CLSTN2: variants seen among roughly 807,000 people sequenced by gnomAD.
The protein encoded by CLSTN2 is calsyntenin 2, also known as calsyntenin-2.
Under a neutral mutation model 101.2 loss-of-function variants are expected in CLSTN2, and 48 were observed. The ratio of observed to expected loss-of-function variants is 0.47; its 90% CI spans 0.38 to 0.60. CLSTN2 has a LOEUF of 0.60. Ranked by LOEUF, CLSTN2 falls within the 20% of genes least tolerant of loss-of-function variation. CLSTN2 has a pLI of 0.00. For missense variants in CLSTN2, 1,160 were observed against 1,238.2 expected (o/e 0.94, Z 0.95); for synonymous variants, 481 against 463.6 (o/e 1.04, Z -0.48).
chr3:140,562,856 G>C lies in CLSTN2; in HGVS notation c.2258G>C (p.Arg753Pro). 6.2e-7 allele frequency: 1 copy of C among 1,614,108 alleles called. No individual in the cohort carries two copies. Among genetic ancestry groups the C allele is most frequent in the Non-Finnish European group, 8.5e-7 (1 of 1,180,010 alleles). ...TATGAGCAGGTGCTACATCACATCC[G>C]CTACCGCAACTGGCGTCCGGCTTCC... is the stretch of plus-strand genomic sequence containing the variant. ...SRYEQVLHHI[R>P]YRNWRPASLE... Residue 753 changes from arginine (R) to proline (P), a missense_variant, in exon 14 of 17, where the codon CGC (arginine) becomes CCC (proline). Arg to Pro is a moderately radical substitution (Grantham distance 103). Coordinates refer to ENST00000458420, the MANE Select transcript of CLSTN2 (RefSeq NM_022131.3).
At chr3:140,156,419 A>G (rs1313993917) in intron 1 of CLSTN2, among the ~76,000 whole-genome samples, 1 of 152,230 alleles carries the variant, frequency 6.6e-6, no homozygotes, top group Non-Finnish European at 1.5e-5. Context: ...TATTTATTGA[A>G]TTGATGAATG....
intron 1 of CLSTN2, among the ~76,000 whole-genome samples, chr3:140,041,887 A>C (rs910567631): frequency 6.6e-6 from 1 of 152,124 alleles, no homozygotes; most frequent in East Asian, 1.9e-4. Context: ...CTGTGTGAGG[A>C]GGGAAGAGGG....
intron 1 of CLSTN2, among the ~76,000 whole-genome samples, chr3:140,074,869 G>C (rs2008459586): frequency 6.6e-6 from 1 of 152,146 alleles, no homozygotes; most frequent in Non-Finnish European, 1.5e-5. Flanking sequence ...TGCCTTCCCT[G>C]GCTTTCCCAG....
chr3:139,982,812 TTGAGA>T (rs560607216), intron 1 of CLSTN2, among the ~76,000 whole-genome samples: 317 of 152,122 alleles, frequency 2.1e-3, no homozygotes, highest in African/African-American at 7.5e-3. Flanking sequence ...CTAGATAATA[TTGAGA>T]TAAGTTGGAA....
chr3:140,044,121 G>T (rs1454970777), intron 1 of CLSTN2, among the ~76,000 whole-genome samples: 1 of 152,162 alleles, frequency 6.6e-6, no homozygotes, highest in Non-Finnish European at 1.5e-5. Context: ...ACCTTGGGCA[G>T]TATGGCCATT....
intron 8 of CLSTN2, among the ~76,000 whole-genome samples, chr3:140,500,965 T>C (rs897907188): frequency 6.6e-6 from 1 of 152,210 alleles, no homozygotes; most frequent in African/African-American, 2.4e-5. Context: ...TTAAATAATT[T>C]AAATCATTAT....
chr3:140,105,337 G>A (rs1298439893), intron 1 of CLSTN2, among the ~76,000 whole-genome samples: 2 of 152,160 alleles, frequency 1.3e-5, no homozygotes, highest in Non-Finnish European at 2.9e-5. Context: ...CACAGTTCCT[G>A]GAGAGAAGGC....
chr3:140,028,172 T>C (rs535865007), intron 1 of CLSTN2, among the ~76,000 whole-genome samples: 3 of 152,256 alleles, frequency 2.0e-5, no homozygotes, highest in African/African-American at 4.8e-5. Context: ...CCCTAGCACA[T>C]TGGGGGAATA....
intron 1 of CLSTN2, among the ~76,000 whole-genome samples, chr3:140,001,722 T>C (rs2006845596): frequency 6.6e-6 from 1 of 152,112 alleles, no homozygotes. Context: ...ATTTCTGTTT[T>C]TTTTTTTTCT....
Position 140,220,476 on chromosome 3 carries a change from G to T in CLSTN2, c.232+44403G>T, listed in dbSNP as rs148302077. Among the ~76,000 whole-genome samples, 132 of 152,288 alleles carry T rather than the reference G, an allele frequency of 8.7e-4. 1 individual carries two copies. The highest frequency in any genetic ancestry group is 1.5e-3 in the Non-Finnish European group (102 of 68,032). ...TAGTTTCCACTTTCAGTCTTAAGTT[G>T]GTCTAGATGCCTTTAGCTTCAGAAC... On this transcript the variant is annotated intron_variant, in intron 2 of 16. Transcript: ENST00000458420.
chr3:140,294,988 C>T (rs1420811158), intron 2 of CLSTN2, among the ~76,000 whole-genome samples: 1 of 152,160 alleles, frequency 6.6e-6, no homozygotes, highest in Non-Finnish European at 1.5e-5. Context: ...TCCAGAAGGC[C>T]CCACCTCCTA....
intron 1 of CLSTN2, among the ~76,000 whole-genome samples, chr3:140,021,960 C>CAGA (rs1231935369): frequency 1.3e-5 from 2 of 152,122 alleles, no homozygotes; most frequent in Non-Finnish European, 2.9e-5. Flanking sequence ...AGGCGGCAGA[C>CAGA]AGAACTGGGA....
intron 2 of CLSTN2, among the ~76,000 whole-genome samples, chr3:140,207,515 T>C (rs1317759924): frequency 1.3e-5 from 2 of 152,194 alleles, no homozygotes; most frequent in African/African-American, 4.8e-5. Flanking sequence ...CAGGAACTTG[T>C]TTTAAAAATT....
chr3:140,458,275 A>G (rs1476844981), intron 6 of CLSTN2, among the ~76,000 whole-genome samples: 1 of 152,042 alleles, frequency 6.6e-6, no homozygotes, highest in African/African-American at 2.4e-5. Context: ...ATGGCAGGTA[A>G]TACACACAAC....
At chr3:140,044,011 C>CT (rs566643931) in intron 1 of CLSTN2, among the ~76,000 whole-genome samples, 90 of 152,276 alleles carry the variant, frequency 5.9e-4, no homozygotes, top group African/African-American at 2.1e-3. Flanking sequence ...AATGCAGGAC[C>CT]TTTTTTGGTT....
intron 2 of CLSTN2, among the ~76,000 whole-genome samples, chr3:140,339,051 C>CG (rs2087468243): frequency 6.6e-6 from 1 of 152,108 alleles, no homozygotes; most frequent in East Asian, 1.9e-4. Context: ...GTGAAGCTGC[C>CG]GTGTGCTGGC....
rs546124614 is a variant in CLSTN2 at position 140,468,746 on chromosome 3, G to A, written c.1344+2015G>A. On this transcript the variant is annotated intron_variant, in intron 8 of 16. Coordinates refer to ENST00000458420, the MANE Select transcript of CLSTN2 (RefSeq NM_022131.3). ...GCTGCTTTGGTGTGCCAGCTAATTC[G>A]AAATTTTAAAAATTTGCATTTCTAA... is the stretch of plus-strand genomic sequence containing the variant. Among the ~76,000 whole-genome samples the A allele has an allele frequency of 1.8e-4, 28 of 152,264 alleles. 2 individuals carry two copies. The South Asian group carries it at 4.4e-3, about 24-fold the overall frequency.
chr3:140,010,538 T>A (rs2007051328), intron 1 of CLSTN2, among the ~76,000 whole-genome samples: 1 of 152,210 alleles, frequency 6.6e-6, no homozygotes, highest in African/African-American at 2.4e-5. Context: ...TGCTCTTTCC[T>A]GATAATTCCA....
chr3:140,151,596 C>T lies in CLSTN2; in HGVS notation c.110-24355C>T, dbSNP rs139094832. ...TTAAAGAGGCCGTGCTTCCTGCTGTCGGGAGGATGCCTTGGAGGGTACGAC... is the reference window on the plus strand; with the variant it reads ...TTAAAGAGGCCGTGCTTCCTGCTGTTGGGAGGATGCCTTGGAGGGTACGAC... On this transcript the variant is annotated intron_variant, in intron 1 of 16. Coordinates refer to ENST00000458420, the MANE Select transcript of CLSTN2 (RefSeq NM_022131.3). Among the ~76,000 whole-genome samples, 1,070 of 152,044 alleles carry T rather than the reference C, an allele frequency of 7.0e-3. 3 individuals are homozygous for T. The highest frequency in any genetic ancestry group is 9.3e-3 in the Non-Finnish European group (632 of 68,006).
Sources: gnomAD v4.1 joint callset for allele counts (sites outside exome capture counted in the v4.1 genomes callset) on GRCh38, gnomAD v4.1.1 for gene constraint, MANE v1.5 for transcripts, NCBI Gene and HGNC (gene_info 2026-07-23, HGNC 2026-07-21) for gene names.